Variants in FBXO11 observed in about 807,000 individuals in gnomAD.
The protein encoded by FBXO11 is F-box only protein 11.
In FBXO11, 13 loss-of-function variants were observed where a neutral mutation model predicts 117.0. The ratio of observed to expected loss-of-function variants is 0.11; its 90% confidence interval spans 0.07 to 0.18. The LOEUF is 0.18. Among genes scored for constraint, FBXO11 ranks in the 10% least tolerant of loss-of-function variants. The pLI, the probability that FBXO11 is intolerant of heterozygous loss-of-function variation, is 1.00. For synonymous variants in FBXO11, 490 were observed against 380.5 expected, an observed-to-expected ratio of 1.29 and a Z score of -3.35; for missense variants, 767 against 1,164.4, an observed-to-expected ratio of 0.66 and a Z score of 4.97.
Position 47,832,987 on chromosome 2 carries a change from A to G in FBXO11, c.1018T>C (p.Tyr340His). 6.2e-7 allele frequency: 1 copy of G among 1,612,580 alleles called. No homozygotes were observed. Among genetic ancestry groups the G allele is most frequent in the Non-Finnish European group, 8.5e-7 (1 of 1,178,614 alleles). ...FVFMEGSEDAYVGYMTIRFNP... is the reference protein window; with the variant it reads ...FVFMEGSEDAHVGYMTIRFNP... The stretch of plus-strand genomic sequence containing the variant: ...ACCCTTATTGTCATATATCCAACAT[A>G]AGCATCTTCAGAGCCTTCCATAAAA... The change falls in exon 8 of 23, where the codon TAT becomes CAT. Residue 340 changes from tyrosine (Y) to histidine (H), a missense_variant. Transcript: ENST00000403359.
chr2:47,861,710 C>T (rs1439182252), intron 1 of FBXO11, among the ~76,000 whole-genome samples: 1 of 152,074 alleles, frequency 6.6e-6, no homozygotes, highest in Non-Finnish European at 1.5e-5. Flanking sequence ...TTGGTTTTGG[C>T]TTCTGGGAAA....
chr2:47,867,803 C>A (rs528711714), intron 1 of FBXO11, among the ~76,000 whole-genome samples: 2 of 152,236 alleles, frequency 1.3e-5, no homozygotes, highest in Non-Finnish European at 2.9e-5. Flanking sequence ...ACATATTCTC[C>A]TAAAGACATA....
chr2:47,896,330 C>CTTT (rs369438123), intron 1 of FBXO11, among the ~76,000 whole-genome samples: 3 of 142,970 alleles, frequency 2.1e-5, no homozygotes, highest in Non-Finnish European at 4.6e-5. Flanking sequence ...TGTTTCTTTT[C>CTTT]TTTTTTTTTT....
chr2:47,900,442 G>A (rs1295381522), intron 1 of FBXO11, among the ~76,000 whole-genome samples: 1 of 151,992 alleles, frequency 6.6e-6, no homozygotes, highest in African/African-American at 2.4e-5. Context: ...CAATGCCACA[G>A]AAAGTATAAC....
In FBXO11 at chr2:47,866,566, C is replaced by T. The variant is rs188739045; in HGVS notation, c.233-26797G>A. 1.0e-3 allele frequency among the ~76,000 whole-genome samples: 158 copies of T among 151,774 alleles called. 1 individual carries two copies. The highest frequency in any genetic ancestry group is 1.7e-3 in the Non-Finnish European group (118 of 67,934). ...TAAGCTCACTGCAAACTCCGCCTCT[C>T]GGGTTCAAGCGATTCTCCTGCCTCA... On this transcript the variant is annotated intron_variant, in intron 1 of 22. Transcript: ENST00000403359.
chr2:47,818,236 G>C (rs1671144451), intron 16 of FBXO11, among the ~76,000 whole-genome samples: 1 of 152,160 alleles, frequency 6.6e-6, no homozygotes, highest in African/African-American at 2.4e-5. Context: ...AGAGAGATCT[G>C]CTCAACACAG....
At chr2:47,825,491 A>T (rs577366419) in intron 11 of FBXO11, among the ~76,000 whole-genome samples, 1 of 150,596 alleles carries the variant, frequency 6.6e-6, no homozygotes, top group African/African-American at 2.4e-5. Context: ...ACCCATGAGG[A>T]GGGAGCACAA....
chr2:47,851,124 T>C (rs1323308968), intron 1 of FBXO11, among the ~76,000 whole-genome samples: 5 of 151,944 alleles, frequency 3.3e-5, no homozygotes, highest in Non-Finnish European at 7.4e-5. Flanking sequence ...AAATATATCA[T>C]TAATTCAAGA....
At chr2:47,898,949 A>T (rs912876410) in intron 1 of FBXO11, among the ~76,000 whole-genome samples, 1 of 146,784 alleles carries the variant, frequency 6.8e-6, no homozygotes, top group Non-Finnish European at 1.5e-5. Context: ...TTCATTTATT[A>T]AAAAAAAAAA....
Position 47,835,934 on chromosome 2 carries a change from A to G in FBXO11, c.655T>C (p.Tyr219His). ...PMMHPEPGKFYQINPEEYEHP... is the reference protein window; with the variant it reads ...PMMHPEPGKFHQINPEEYEHP... ...TCATACTCTTCTGGATTAATCTGGT[A>G]GAATTTTCCAGGTTCAGGATGCATC... The change falls in exon 5 of 23, where the codon TAC becomes CAC. Residue 219 changes from tyrosine (Y) to histidine (H), a missense_variant. By Grantham distance (83) the Tyr-to-His change is moderately conservative. Coordinates refer to ENST00000403359, the MANE Select transcript of FBXO11 (RefSeq NM_001190274.2). 3 of 1,611,882 alleles carry G rather than the reference A, an allele frequency of 1.9e-6. No homozygotes were observed. Among genetic ancestry groups the G allele is most frequent in the East Asian group, 2.2e-5 (1 of 44,822 alleles).
intron 11 of FBXO11, among the ~76,000 whole-genome samples, chr2:47,827,928 CT>C (rs1671884400): frequency 6.6e-6 from 1 of 151,202 alleles, no homozygotes; most frequent in Non-Finnish European, 1.5e-5. Flanking sequence ...AACTCCTGGC[CT>C]CAAGTGATCC....
rs893463495 is a variant in FBXO11, at chr2:47,809,613, A to G, written c.2433T>C (p.Asn811=). ...FGGLFLASGV[N]VTMKDNKIMN... is the part of the protein sequence containing the mutation. ...ACTCCAACATACCTTTCATTGTCAC[A>G]TTAACACCAGATGCTAAAAATAAGC... is the stretch of plus-strand genomic sequence containing the variant. Residue 811 remains asparagine (N), a synonymous_variant, in exon 20 of 23, where the codon AAT becomes AAC. Coordinates refer to ENST00000403359, the MANE Select transcript of FBXO11 (RefSeq NM_001190274.2). The G allele has an allele frequency of 1.1e-5, 18 of 1,612,050 alleles. No homozygotes were observed. The African/African-American group carries it at 1.5e-4, about 13-fold the overall frequency.
intron 1 of FBXO11, among the ~76,000 whole-genome samples, chr2:47,861,892 G>C (rs982203829): frequency 2.6e-5 from 4 of 151,264 alleles, no homozygotes; most frequent in African/African-American, 7.3e-5. Context: ...AAAACTTCTT[G>C]TCATGTAAGG....
In FBXO11 at chr2:47,832,330, TAAAA is replaced by T. The variant is rs759202214; in HGVS notation, c.1398+15_1398+18del. The T allele has an allele frequency of 1.6e-5, 24 of 1,521,636 alleles. No individual in the cohort carries two copies. The highest frequency in any genetic ancestry group is 1.5e-4 in the African/African-American group (11 of 72,046). 94.3% of individuals were successfully genotyped at this position (1,521,636 alleles called of 1,614,324 possible). On this transcript the variant is annotated intron_variant, in intron 11 of 22. Coordinates refer to ENST00000403359, the MANE Select transcript of FBXO11 (RefSeq NM_001190274.2). ...CTGATACAGAAGTCCGTTTTTCTAT[TAAAA>T]ATAAGTGTTCTTACCATGCCATGAT...
At position 47,905,773 on chromosome 2, in the gene FBXO11, C is replaced by T. The variant is rs1678763876; in HGVS notation, c.-53G>A. ...GGAGGGACACACACACGCACACGCA[C>T]AGCGAGCTTCGGGGCAGGAGAAAGG... is the stretch of plus-strand genomic sequence containing the variant. On this transcript the variant is annotated 5_prime_UTR_variant, in exon 1 of 23. In the 5' UTR this introduces an upstream ATG that the reference lacks. Coordinates refer to ENST00000403359, the MANE Select transcript of FBXO11 (RefSeq NM_001190274.2). The T allele has an allele frequency of 1.3e-6, 2 of 1,492,214 alleles. No individual in the cohort carries two copies. Among genetic ancestry groups the T allele is most frequent in the Non-Finnish European group, 1.8e-6 (2 of 1,123,706 alleles). 92.4% of individuals were successfully genotyped at this position (1,492,214 alleles called of 1,614,324 possible).
At chr2:47,878,451 G>T (rs1676174474) in intron 1 of FBXO11, among the ~76,000 whole-genome samples, 1 of 151,824 alleles carries the variant, frequency 6.6e-6, no homozygotes, top group Non-Finnish European at 1.5e-5. Context: ...TCCACCTCTG[G>T]GTTCAAGCAA....
intron 1 of FBXO11, among the ~76,000 whole-genome samples, chr2:47,903,736 A>G (rs546202447): frequency 1.3e-5 from 2 of 152,240 alleles, no homozygotes; most frequent in African/African-American, 4.8e-5. Context: ...AGAATCCTTA[A>G]TATTAAAGGC....
chr2:47,844,004 G>A (rs1226842686), intron 1 of FBXO11, among the ~76,000 whole-genome samples: 1 of 152,082 alleles, frequency 6.6e-6, no homozygotes, highest in African/African-American at 2.4e-5. Flanking sequence ...GCCTCCCAAA[G>A]TGCTGGGATT....
At chr2:47,899,872 G>C (rs936702986) in intron 1 of FBXO11, among the ~76,000 whole-genome samples, 1 of 152,044 alleles carries the variant, frequency 6.6e-6, no homozygotes, top group Non-Finnish European at 1.5e-5. Flanking sequence ...GGGATAAATA[G>C]GGGGACAATA....
Sources: allele counts gnomAD v4.1 joint callset (sites outside exome capture counted in the v4.1 genomes callset), GRCh38; gene constraint gnomAD v4.1.1; transcripts MANE v1.5; gene names NCBI Gene and HGNC (gene_info 2026-07-23, HGNC 2026-07-21).